The following ZFHX3 variants were observed in gnomAD, a reference collection of about 807,000 sequenced individuals.
ZFHX3 encodes zinc finger homeobox protein 3.
ZFHX3 carries 42 observed loss-of-function variants against 279.1 expected under a neutral mutation model. The observed-to-expected ratio is 0.15, with a 90% CI of 0.12 to 0.19. ZFHX3 has a LOEUF of 0.19. Ranked by LOEUF, ZFHX3 falls within the 10% of genes least tolerant of loss-of-function variation. ZFHX3 has a pLI of 1.00. For synonymous variants in ZFHX3, 2,293 were observed against 1,957.8 expected (o/e 1.17, Z -4.52); for missense variants, 4,981 against 4,754.0 (o/e 1.05, Z -1.40).
intron 4 of ZFHX3, among the ~76,000 whole-genome samples, chr16:72,833,416 T>C (rs1252697024): frequency 6.6e-6 from 1 of 152,168 alleles, no homozygotes. Context: ...TGCAGATTTT[T>C]TTCCCCTATA....
intron 3 of ZFHX3, among the ~76,000 whole-genome samples, chr16:73,367,635 G>C (rs1047971004): frequency 3.3e-5 from 5 of 152,156 alleles, no homozygotes; most frequent in Admixed American, 3.3e-4. Context: ...GAATGAAAGG[G>C]ACTTAAGGAT....
chr16:73,305,572 C>A (rs567367865), intron 4 of ZFHX3, among the ~76,000 whole-genome samples: 1 of 151,658 alleles, frequency 6.6e-6, no homozygotes. Flanking sequence ...CAGAAGCGAG[C>A]GCTCACATGG....
At chr16:73,359,307 C>T (rs1231558887) in intron 3 of ZFHX3, among the ~76,000 whole-genome samples, 1 of 151,486 alleles carries the variant, frequency 6.6e-6, no homozygotes, top group Non-Finnish European at 1.5e-5. Flanking sequence ...TAGAGAATGG[C>T]ATGTGCAGAG....
At chr16:73,575,985 C>T (rs530646016) in intron 2 of ZFHX3, among the ~76,000 whole-genome samples, 1 of 152,242 alleles carries the variant, frequency 6.6e-6, no homozygotes, top group South Asian at 2.1e-4. Flanking sequence ...GGAAGCCAAG[C>T]CCCGTCTTTC....
intron 5 of ZFHX3, among the ~76,000 whole-genome samples, chr16:72,815,999 G>A (rs1162645321): frequency 6.6e-6 from 1 of 152,168 alleles, no homozygotes; most frequent in Non-Finnish European, 1.5e-5. Context: ...GAAGCAATAT[G>A]GAAAAATCAT....
At chr16:73,582,442 A>G (rs1395538906) in intron 2 of ZFHX3, among the ~76,000 whole-genome samples, 1 of 134,358 alleles carries the variant, frequency 7.4e-6, no homozygotes, top group African/African-American at 3.9e-5. Context: ...AGGAAGACAG[A>G]AAAAAAAAAT....
chr16:72,891,826 G>A (rs2038780208), intron 3 of ZFHX3, among the ~76,000 whole-genome samples: 1 of 152,212 alleles, frequency 6.6e-6, no homozygotes, highest in Admixed American at 6.5e-5. Flanking sequence ...GGCCCATGGA[G>A]CCATGGCAGG....
At chr16:73,582,504 CA>C (rs1421448963) in intron 2 of ZFHX3, among the ~76,000 whole-genome samples, 3 of 151,854 alleles carry the variant, frequency 2.0e-5, no homozygotes, top group Non-Finnish European at 2.9e-5. Flanking sequence ...GATGGAGTTT[CA>C]CTCTTGTCAC....
chr16:73,551,478 G>C (rs2020203743), intron 2 of ZFHX3, among the ~76,000 whole-genome samples: 1 of 152,188 alleles, frequency 6.6e-6, no homozygotes, highest in African/African-American at 2.4e-5. Context: ...TAAGGAAGCA[G>C]CTGTGGGTTA....
At chr16:73,832,563 C>G (rs955421494) in intron 1 of ZFHX3, among the ~76,000 whole-genome samples, 2 of 151,954 alleles carry the variant, frequency 1.3e-5, no homozygotes, top group Non-Finnish European at 2.9e-5. Flanking sequence ...GTTTAAGAGA[C>G]AGGGTCTCAC....
rs1395455920 is a variant in ZFHX3, at chr16:72,783,064, T to G, written c.*4100A>C. 2.6e-5 allele frequency: 4 copies of G among 152,636 alleles called. No individual in the cohort carries two copies. The highest frequency in any genetic ancestry group is 4.4e-5 in the Non-Finnish European group (3 of 68,034). The allele number at this position is 152,636 out of a possible 1,614,324, so 9.5% of individuals were successfully genotyped here. Reference sequence around the variant, plus strand: ...ATGTGGTTCTGTTTGTTAGTCTCCATGTATTTTGGTACAGTTCGAGATCAG... The same window carrying G: ...ATGTGGTTCTGTTTGTTAGTCTCCAGGTATTTTGGTACAGTTCGAGATCAG... On this transcript the variant is annotated 3_prime_UTR_variant, in exon 10 of 10. Coordinates refer to ENST00000268489, the MANE Select transcript of ZFHX3 (RefSeq NM_006885.4).
intron 3 of ZFHX3, among the ~76,000 whole-genome samples, chr16:73,398,023 T>C (rs1268639425): frequency 6.6e-6 from 1 of 152,144 alleles, no homozygotes; most frequent in Non-Finnish European, 1.5e-5. Flanking sequence ...TTTTATATTT[T>C]TAGTAAAGAT....
In ZFHX3 at chr16:73,316,308, C is replaced by T. The variant is rs766702468; in HGVS notation, c.-1194+1932G>A. Among the ~76,000 whole-genome samples the T allele has an allele frequency of 1.1e-3, 165 of 152,252 alleles. 1 individual carries two copies. The highest frequency in any genetic ancestry group is 2.8e-4 in the Non-Finnish European group (19 of 68,018). The stretch of plus-strand genomic sequence containing the variant: ...AATACAATTTAAAGGTGACAGGACA[C>T]GAGGCTTTGTTTCCAGGCACAGGCT... On this transcript the variant is annotated intron_variant, in intron 4 of 17. Coordinates refer to the ZFHX3 transcript ENST00000641206.
chr16:73,755,846 T>C (rs1437673163), intron 1 of ZFHX3, among the ~76,000 whole-genome samples: 1 of 152,212 alleles, frequency 6.6e-6, no homozygotes, highest in Non-Finnish European at 1.5e-5. Flanking sequence ...AAAGACCTAC[T>C]TGGAGCAGAC....
In ZFHX3 at chr16:73,073,097, G is replaced by C. The variant is rs550386850; in HGVS notation, c.-532-14085C>G. ...ATTTTAGTAGAGACGAGGTTTCACT[G>C]TGTTGCCCAGGCTGGTCTCAAACTC... is the stretch of plus-strand genomic sequence containing the variant. On this transcript the variant is annotated intron_variant, in intron 8 of 17. Coordinates refer to the ZFHX3 transcript ENST00000641206. Among the ~76,000 whole-genome samples the C allele has an allele frequency of 1.5e-4, 22 of 148,694 alleles. No homozygotes were observed. The Middle Eastern group carries it at 0.011, about 76-fold the overall frequency.
chr16:73,580,433 G>A (rs757572767), intron 2 of ZFHX3, among the ~76,000 whole-genome samples: 9 of 151,748 alleles, frequency 5.9e-5, no homozygotes, highest in Middle Eastern at 3.4e-3. Context: ...AGCCAAGATC[G>A]TGCCACTGCA....
At chr16:73,002,661 C>G (rs1023160977) in intron 1 of ZFHX3, among the ~76,000 whole-genome samples, 1 of 152,126 alleles carries the variant, frequency 6.6e-6, no homozygotes, top group South Asian at 2.1e-4. Flanking sequence ...ACCATAGATG[C>G]TTACAGTAAA....
intron 2 of ZFHX3, among the ~76,000 whole-genome samples, chr16:73,626,979 A>G (rs940108559): frequency 2.6e-5 from 4 of 152,192 alleles, no homozygotes; most frequent in Admixed American, 6.5e-5. Context: ...CATAAATACT[A>G]TTGTTCTCTA....
intron 3 of ZFHX3, among the ~76,000 whole-genome samples, chr16:73,407,036 G>C (rs2017373286): frequency 6.8e-6 from 1 of 146,684 alleles, no homozygotes; most frequent in African/African-American, 2.6e-5. Flanking sequence ...GTTCTCAAAA[G>C]AAAGGGTGAT....
Sources: allele counts gnomAD v4.1 joint callset (sites outside exome capture counted in the v4.1 genomes callset), GRCh38; gene constraint gnomAD v4.1.1; transcripts MANE v1.5; gene names NCBI Gene and HGNC (gene_info 2026-07-23, HGNC 2026-07-21).